The following RGS7 variants were observed in gnomAD, a reference collection of about 807,000 sequenced individuals.
RGS7 encodes the protein regulator of G protein signaling 7, also known as regulator of G-protein signaling 7.
RGS7 carries 27 observed loss-of-function variants against 81.1 expected under a neutral mutation model. The ratio of observed to expected loss-of-function variants is 0.33; its 90% CI spans 0.25 to 0.46. RGS7 has a LOEUF of 0.46. RGS7 is among the 20% of genes least tolerant of loss of function. RGS7 has a pLI of 1.00. For missense variants in RGS7, 396 were observed against 607.4 expected (o/e 0.65, Z 3.66); for synonymous variants, 208 against 207.7 (o/e 1.00, Z -0.01).
At chr1:240,889,834 A>G in intron 6 of RGS7, among the ~76,000 whole-genome samples, 1 of 152,076 alleles carries the variant, frequency 6.6e-6, no homozygotes, top group East Asian at 1.9e-4. Context: ...GTGATCTGAA[A>G]AGAGCCCTGG....
chr1:240,872,050 G>T (rs564269677), intron 6 of RGS7, among the ~76,000 whole-genome samples: 21 of 152,170 alleles, frequency 1.4e-4, no homozygotes, highest in Non-Finnish European at 2.1e-4. Context: ...TTACATGACT[G>T]CTCACAAAGA....
chr1:241,327,147 G>GAAGGAAAGAAAGAAAAGAAAAGA (rs2081644011), intron 2 of RGS7, among the ~76,000 whole-genome samples: 2 of 74,430 alleles, frequency 2.7e-5, no homozygotes, highest in Admixed American at 2.6e-4. Context: ...AGAAAGAAAG[G>GAAGGAAAGAAAGAAAAGAAAAGA]AAAGAAAGAA....
At chr1:240,944,056 T>A (rs1245691791) in intron 4 of RGS7, among the ~76,000 whole-genome samples, 1 of 151,946 alleles carries the variant, frequency 6.6e-6, no homozygotes, top group African/African-American at 2.4e-5. Context: ...AGTCTAGATG[T>A]CTAATGGCAG....
intron 3 of RGS7, among the ~76,000 whole-genome samples, chr1:241,055,750 G>A (rs2061445905): frequency 6.6e-6 from 1 of 152,132 alleles, no homozygotes; most frequent in Admixed American, 6.6e-5. Flanking sequence ...CCATAAGTGG[G>A]GAGTGGAGAT....
At chr1:241,115,551 C>A (rs2065834208) in intron 2 of RGS7, among the ~76,000 whole-genome samples, 1 of 152,108 alleles carries the variant, frequency 6.6e-6, no homozygotes, top group African/African-American at 2.4e-5. Flanking sequence ...CAATTGTCTC[C>A]CCCATTGTAT....
intron 2 of RGS7, among the ~76,000 whole-genome samples, chr1:241,239,695 G>A (rs2076174640): frequency 6.6e-6 from 1 of 152,050 alleles, no homozygotes; most frequent in South Asian, 2.1e-4. Context: ...GGTTCTCAAG[G>A]GAACAGTGGC....
At chr1:241,036,818 A>C (rs1297868958) in intron 3 of RGS7, among the ~76,000 whole-genome samples, 1 of 152,192 alleles carries the variant, frequency 6.6e-6, no homozygotes, top group Non-Finnish European at 1.5e-5. Context: ...AGCCAATGTA[A>C]GGTGAACAGA....
chr1:241,328,483 A>G (rs1242581319), intron 2 of RGS7, among the ~76,000 whole-genome samples: 1 of 152,194 alleles, frequency 6.6e-6, no homozygotes, highest in African/African-American at 2.4e-5. Context: ...GTCCTAGTGG[A>G]CTGGAAATCA....
chr1:240,873,358 C>T (rs1664821507), intron 6 of RGS7, among the ~76,000 whole-genome samples: 1 of 152,066 alleles, frequency 6.6e-6, no homozygotes, highest in Admixed American at 6.6e-5. Context: ...TTAAATATAT[C>T]TCCCTGCAGT....
intron 2 of RGS7, among the ~76,000 whole-genome samples, chr1:241,203,296 G>T (rs1333896788): frequency 6.6e-6 from 1 of 152,018 alleles, no homozygotes; most frequent in Non-Finnish European, 1.5e-5. Flanking sequence ...GCAGCAGCGT[G>T]ATCTCGGCTC....
intron 2 of RGS7, among the ~76,000 whole-genome samples, chr1:241,322,063 C>T (rs569333000): frequency 6.1e-4 from 93 of 152,266 alleles, no homozygotes; most frequent in Admixed American, 1.6e-3. Flanking sequence ...TCCCATTTCA[C>T]CTATTCAAAC....
At chr1:241,186,510 C>CATATAT (rs199710247) in intron 2 of RGS7, 25 of 305,478 alleles carry the variant, frequency 8.2e-5, no homozygotes, top group African/African-American at 2.9e-4. Context: ...ATTTCCTAAC[C>CATATAT]ATATATATAT....
intron 5 of RGS7, among the ~76,000 whole-genome samples, chr1:240,932,290 A>C (rs766913838): frequency 3.9e-5 from 6 of 152,170 alleles, no homozygotes; most frequent in African/African-American, 7.2e-5. Flanking sequence ...CATGAGAACA[A>C]AATCATCGTA....
chr1:241,039,236 T>C (rs1487610465), intron 3 of RGS7, among the ~76,000 whole-genome samples: 1 of 152,194 alleles, frequency 6.6e-6, no homozygotes, highest in African/African-American at 2.4e-5. Flanking sequence ...TTTTCCTAAT[T>C]GGAATTTATT....
intron 2 of RGS7, among the ~76,000 whole-genome samples, chr1:241,180,244 G>A (rs546459552): frequency 1.3e-5 from 2 of 152,136 alleles, no homozygotes; most frequent in East Asian, 3.9e-4. Context: ...GCCTGGTGGC[G>A]GGTGCCTGTA....
intron 6 of RGS7, among the ~76,000 whole-genome samples, chr1:240,885,494 C>T (rs1667197825): frequency 6.6e-6 from 1 of 152,082 alleles, no homozygotes; most frequent in South Asian, 2.1e-4. Flanking sequence ...ATGGAATCAG[C>T]CTAAATACAC....
intron 2 of RGS7, among the ~76,000 whole-genome samples, chr1:241,222,753 T>C (rs1048979435): frequency 6.6e-6 from 1 of 152,134 alleles, no homozygotes; most frequent in African/African-American, 2.4e-5. Flanking sequence ...GTAGAGCCCA[T>C]GCTCCCAACT....
intron 2 of RGS7, among the ~76,000 whole-genome samples, chr1:241,227,414 CG>C (rs1381881487): frequency 1.3e-5 from 2 of 151,872 alleles, no homozygotes; most frequent in Non-Finnish European, 2.9e-5. Flanking sequence ...GCAATTGGTA[CG>C]GAGCCTGAAA....
intron 18 of RGS7, among the ~76,000 whole-genome samples, chr1:240,779,136 T>TGTGA (rs1553298671): frequency 7.1e-6 from 1 of 141,484 alleles, no homozygotes; most frequent in Non-Finnish European, 1.6e-5. Flanking sequence ...TGTGTGTGTG[T>TGTGA]GACAGTCTCA....
Sources: allele counts gnomAD v4.1 joint callset (sites outside exome capture counted in the v4.1 genomes callset), GRCh38; gene constraint gnomAD v4.1.1; transcripts MANE v1.5; gene names NCBI Gene and HGNC (gene_info 2026-07-23, HGNC 2026-07-21).